Variants in GINS3 observed in about 807,000 individuals in gnomAD.
GINS3 encodes GINS complex subunit 3.
GINS3 carries 18 observed loss-of-function variants against 20.0 expected under a neutral mutation model. That is an observed-to-expected ratio of 0.90 (90% CI 0.62 to 1.33). GINS3 has a LOEUF of 1.33. Among genes scored for constraint, GINS3 ranks in the 40% most tolerant of loss-of-function variants. The probability of loss-of-function intolerance (pLI) is 0.00; values close to 1 mark genes in which losing one functional copy is unlikely to be tolerated. For missense variants in GINS3, 254 were observed against 273.6 expected (o/e 0.93, Z 0.51); for synonymous variants, 109 against 107.0 (o/e 1.02, Z -0.12).
chr16:58,402,868 C>T (rs1469926114), intron 1 of GINS3: 1 of 554,062 alleles, frequency 1.8e-6, no homozygotes, highest in South Asian at 2.3e-5. Flanking sequence ...CATTTTTGTT[C>T]ACCATGTTTT....
chr16:58,399,906 CTT>C (rs779229693), intron 1 of GINS3, among the ~76,000 whole-genome samples: 26 of 152,080 alleles, frequency 1.7e-4, no homozygotes, highest in Non-Finnish European at 3.5e-4. Context: ...CATTTTTTCT[CTT>C]GTGTTATTGT....
At chr16:58,402,797 T>C in intron 1 of GINS3, 1 of 437,094 alleles carries the variant, frequency 2.3e-6, no homozygotes, top group Non-Finnish European at 4.2e-6. Flanking sequence ...TTACTATAGC[T>C]CTGAAGTGTC....
At chr16:58,401,937 T>TA (rs940378303) in intron 1 of GINS3, among the ~76,000 whole-genome samples, 2 of 152,204 alleles carry the variant, frequency 1.3e-5, no homozygotes, top group African/African-American at 4.8e-5. Flanking sequence ...ATACCTTTTT[T>TA]AATTTTGGAT....
At chr16:58,395,483 C>T (rs1191938419) in intron 1 of GINS3, among the ~76,000 whole-genome samples, 2 of 151,506 alleles carry the variant, frequency 1.3e-5, no homozygotes, top group Non-Finnish European at 3.0e-5. Context: ...TGCGGCCTTC[C>T]GCAGTGTTTG....
intron 1 of GINS3, among the ~76,000 whole-genome samples, chr16:58,396,538 C>G (rs1279606260): frequency 3.0e-5 from 1 of 33,106 alleles, no homozygotes; most frequent in Non-Finnish European, 5.8e-5. Context: ...ACCTCCCTCC[C>G]GGACGGGGCG....
chr16:58,394,335 G>A (rs1327132537), intron 1 of GINS3, among the ~76,000 whole-genome samples: 1 of 151,632 alleles, frequency 6.6e-6, no homozygotes, highest in Non-Finnish European at 1.5e-5. Flanking sequence ...GGGTAGTTTT[G>A]TTTTTGGTTT....
chr16:58,394,647 T>C (rs1287601796), intron 1 of GINS3, among the ~76,000 whole-genome samples: 1 of 152,204 alleles, frequency 6.6e-6, no homozygotes, highest in Non-Finnish European at 1.5e-5. Flanking sequence ...TCGCCCAGCC[T>C]TCTTTGTTTT....
At chr16:58,397,790 G>C (rs1314994969) in intron 1 of GINS3, among the ~76,000 whole-genome samples, 1 of 151,860 alleles carries the variant, frequency 6.6e-6, no homozygotes, top group African/African-American at 2.4e-5. Flanking sequence ...ATCAGAGGGA[G>C]ACCGTGGAAA....
At chr16:58,403,061 T>G in intron 1 of GINS3, 37 bp from the exon 2 acceptor site, 1 of 1,526,980 alleles carries the variant, frequency 6.5e-7, no homozygotes, top group Non-Finnish European at 9.1e-7. Context: ...CTGTGTTACT[T>G]GTCTGTTTTT....
At chr16:58,395,905 C>T (rs1166710874) in intron 1 of GINS3, among the ~76,000 whole-genome samples, 1 of 151,584 alleles carries the variant, frequency 6.6e-6, no homozygotes, top group Non-Finnish European at 1.5e-5. Context: ...CCAGTAGGGG[C>T]GGCCGGGCAG....
At chr16:58,395,527 T>A (rs916406109) in intron 1 of GINS3, among the ~76,000 whole-genome samples, 18 of 151,776 alleles carry the variant, frequency 1.2e-4, no homozygotes, top group Admixed American at 1.3e-4. Flanking sequence ...GGAGTGGTGA[T>A]GACTCTTAAC....
At chr16:58,393,219 A>G (rs1266413179) in intron 1 of GINS3, among the ~76,000 whole-genome samples, 1 of 152,176 alleles carries the variant, frequency 6.6e-6, no homozygotes, top group Non-Finnish European at 1.5e-5. Flanking sequence ...AAGTTGCTAA[A>G]TTCATTCCTC....
Position 58,392,489 on chromosome 16 carries a change from T to C in GINS3, c.-113T>C. ...GCGCGGGAAACGAGTTTCAATCCAC[T>C]TTCCTGACCCCAACCATCCTGCCCA... On this transcript the variant is annotated 5_prime_UTR_variant, in exon 1 of 3. Coordinates refer to ENST00000318129, the MANE Select transcript of GINS3 (RefSeq NM_022770.4). 1 of 1,239,006 alleles carries C rather than the reference T, an allele frequency of 8.1e-7. No homozygotes were observed. Among genetic ancestry groups the C allele is most frequent in the Non-Finnish European group, 1.1e-6 (1 of 884,020 alleles). 76.8% of individuals were successfully genotyped at this position (1,239,006 alleles called of 1,614,324 possible).
intron 1 of GINS3, among the ~76,000 whole-genome samples, chr16:58,397,663 C>T (rs995063650): frequency 6.6e-6 from 1 of 152,174 alleles, no homozygotes; most frequent in Non-Finnish European, 1.5e-5. Flanking sequence ...GAAAACCAGT[C>T]AGGCGTGGCG....
chr16:58,396,858 C>G (rs1292083485), intron 1 of GINS3, among the ~76,000 whole-genome samples: 1 of 140,446 alleles, frequency 7.1e-6, no homozygotes, highest in Non-Finnish European at 1.6e-5. Flanking sequence ...CGCCCCTCAC[C>G]TCCCGGACGG....
chr16:58,402,263 T>C (rs908979513), intron 1 of GINS3, among the ~76,000 whole-genome samples: 5 of 152,234 alleles, frequency 3.3e-5, no homozygotes, highest in African/African-American at 1.2e-4. Context: ...TATCTTAAAG[T>C]TGGCGCCTAA....
Position 58,405,253 on chromosome 16 carries a change from C to CT in GINS3, c.*524_*525insT. ...CCTGCTGCCTGCCTGCAGGGAGTTACCCCAGTTTCCAAAAACAGTCGCCCA... is the reference window on the plus strand; with the variant it reads ...CCTGCTGCCTGCCTGCAGGGAGTTACTCCCAGTTTCCAAAAACAGTCGCCCA... On this transcript the variant is annotated 3_prime_UTR_variant, in exon 3 of 3. Coordinates refer to ENST00000318129, the MANE Select transcript of GINS3 (RefSeq NM_022770.4). 6.5e-6 allele frequency: 1 copy of CT among 153,548 alleles called. No homozygotes were observed. The highest frequency in any genetic ancestry group is 1.9e-4 in the East Asian group (1 of 5,216). The allele number at this position is 153,548 out of a possible 1,614,324, so 9.5% of individuals were successfully genotyped here.
intron 1 of GINS3, among the ~76,000 whole-genome samples, chr16:58,396,866 C>T (rs1339893787): frequency 2.2e-5 from 3 of 133,466 alleles, no homozygotes; most frequent in Non-Finnish European, 3.3e-5. Flanking sequence ...ACCTCCCGGA[C>T]GGGGCGGCTG....
At chr16:58,401,783 T>G (rs1479965239) in intron 1 of GINS3, among the ~76,000 whole-genome samples, 1 of 152,270 alleles carries the variant, frequency 6.6e-6, no homozygotes, top group Non-Finnish European at 1.5e-5. Context: ...AGGCAGTGTG[T>G]TCGTCACTCC....
Sources: gnomAD v4.1 joint callset for allele counts (sites outside exome capture counted in the v4.1 genomes callset) on GRCh38, gnomAD v4.1.1 for gene constraint, MANE v1.5 for transcripts, NCBI Gene and HGNC (gene_info 2026-07-23, HGNC 2026-07-21) for gene names.